Variants in ZNF638 observed in about 807,000 individuals in gnomAD.
ZNF638 encodes zinc finger protein 638, also known as CTCL tumor antigen se33-1.
In ZNF638, 46 loss-of-function variants were observed where a neutral mutation model predicts 195.6. That is an observed-to-expected ratio of 0.24 (90% CI 0.19 to 0.30). The LOEUF (loss-of-function observed/expected upper bound fraction) is 0.30. ZNF638 is among the 10% of genes least tolerant of loss of function. ZNF638 has a pLI of 1.00. For synonymous variants in ZNF638, 845 were observed against 772.0 expected, an observed-to-expected ratio of 1.09 and a Z score of -1.57; for missense variants, 2,440 against 2,325.3, an observed-to-expected ratio of 1.05 and a Z score of -1.01.
chr2:71,357,002 A>T (rs1573041525), intron 3 of ZNF638, among the ~76,000 whole-genome samples: 1 of 152,148 alleles, frequency 6.6e-6, no homozygotes, highest in Non-Finnish European at 1.5e-5. Flanking sequence ...AATGGACCCC[A>T]CGGTTCTGGA....
intron 1 of ZNF638, among the ~76,000 whole-genome samples, chr2:71,346,491 G>A (rs1387725273): frequency 1.3e-5 from 2 of 152,104 alleles, no homozygotes; most frequent in African/African-American, 2.4e-5. Context: ...GTGTTTTTGT[G>A]TTTCATTCTA....
chr2:71,344,822 TAGAA>T (rs2078823894), intron 1 of ZNF638, among the ~76,000 whole-genome samples: 1 of 152,224 alleles, frequency 6.6e-6, no homozygotes, highest in African/African-American at 2.4e-5. Flanking sequence ...ACCTTATAAA[TAGAA>T]AGCTTGAAGT....
chr2:71,351,390 TTAAAA>T (rs1460020199), intron 2 of ZNF638, among the ~76,000 whole-genome samples: 4 of 152,218 alleles, frequency 2.6e-5, no homozygotes, highest in Admixed American at 1.3e-4. Flanking sequence ...CCAAATTCTA[TTAAAA>T]TAATAGTTGC....
At chr2:71,337,525 A>G (rs2078690892) in intron 1 of ZNF638, among the ~76,000 whole-genome samples, 1 of 152,062 alleles carries the variant, frequency 6.6e-6, no homozygotes, top group African/African-American at 2.4e-5. Flanking sequence ...CGATCCTCCC[A>G]AGTGGCTGGG....
intron 1 of ZNF638, among the ~76,000 whole-genome samples, chr2:71,335,121 C>G (rs1426239934): frequency 1.3e-5 from 2 of 152,190 alleles, no homozygotes; most frequent in Non-Finnish European, 2.9e-5. Flanking sequence ...CCTGCGGCCT[C>G]TACCTCCTGG....
At chr2:71,388,434 G>A (rs1203841943) in intron 10 of ZNF638, 4 of 684,514 alleles carry the variant, frequency 5.8e-6, no homozygotes, top group Non-Finnish European at 1.1e-5. Context: ...ACAGGCGGGG[G>A]CAACAACTAC....
At chr2:71,350,588 A>G (rs1032080253) in intron 2 of ZNF638, among the ~76,000 whole-genome samples, 1 of 152,240 alleles carries the variant, frequency 6.6e-6, no homozygotes, top group Non-Finnish European at 1.5e-5. Context: ...ACAATGTCAC[A>G]TGGAATCACC....
chr2:71,355,808 G>A (rs747971683), intron 3 of ZNF638, 28 bp downstream of exon 3: 3 of 1,384,198 alleles, frequency 2.2e-6, no homozygotes, highest in Non-Finnish European at 3.0e-6. Flanking sequence ...CTTTATTATA[G>A]ATAGCATATT....
chr2:71,394,772 T>C (rs1220657973), intron 10 of ZNF638, among the ~76,000 whole-genome samples: 1 of 152,244 alleles, frequency 6.6e-6, no homozygotes, highest in African/African-American at 2.4e-5. Context: ...CATCTATTAC[T>C]GAATCAGTAC....
chr2:71,362,107 T>A (rs1412691588), intron 3 of ZNF638, among the ~76,000 whole-genome samples: 1 of 152,234 alleles, frequency 6.6e-6, no homozygotes, highest in Non-Finnish European at 1.5e-5. Context: ...TTCTAGAAGT[T>A]GAGAGTGAAG....
At chr2:71,381,942 T>C (rs532731517) in intron 10 of ZNF638, among the ~76,000 whole-genome samples, 1 of 152,212 alleles carries the variant, frequency 6.6e-6, no homozygotes, top group Admixed American at 6.5e-5. Flanking sequence ...TGGAGAGATG[T>C]AAAAATCCCA....
chr2:71,370,030 GT>G, intron 8 of ZNF638, 25 bp downstream of exon 8: 1 of 1,576,162 alleles, frequency 6.3e-7, no homozygotes, highest in Non-Finnish European at 8.6e-7. Flanking sequence ...GGTCTTAAAT[GT>G]TTTATCACTG....
chr2:71,342,683 C>CGT lies in ZNF638; in HGVS notation c.-202-6057_-202-6056dup, dbSNP rs3836139. 2.9e-4 allele frequency among the ~76,000 whole-genome samples: 44 copies of CGT among 151,428 alleles called. 1 individual carries two copies. The highest frequency in any genetic ancestry group is 9.0e-4 in the African/African-American group (37 of 41,238). On this transcript the variant is annotated intron_variant, in intron 1 of 27. Coordinates refer to ENST00000264447, the MANE Select transcript of ZNF638 (RefSeq NM_014497.5). ...TTAGAAATGGAGATTTTTGTGCGTGCGTGTGTGTGTGTGTCTTGGCAATTT... is the reference window on the plus strand; with the variant it reads ...TTAGAAATGGAGATTTTTGTGCGTGCGTGTGTGTGTGTGTGTCTTGGCAATTT...
At chr2:71,428,204 A>G (rs191921465) in intron 24 of ZNF638, among the ~76,000 whole-genome samples, 1 of 152,146 alleles carries the variant, frequency 6.6e-6, no homozygotes, top group Non-Finnish European at 1.5e-5. Context: ...CAAAAAGAAG[A>G]AAAAAAACCT....
rs185560094 is a variant in ZNF638, at chr2:71,393,622, T to G, written c.2378-2519T>G. On this transcript the variant is annotated intron_variant, in intron 10 of 27. Transcript: ENST00000264447. ...ACAGAAACCATTCACTCCAGATAAT[T>G]TGTTCCTTGCTCTGCTCTCTGGTGT... The G allele has an allele frequency of 1.2e-3, 841 of 718,064 alleles. 4 individuals are homozygous for G. Among genetic ancestry groups the G allele is most frequent in the Non-Finnish European group, 1.6e-3 (632 of 385,192 alleles). 44.5% of individuals were successfully genotyped at this position (718,064 alleles called of 1,614,324 possible). A position where few individuals can be genotyped will look rare whatever the true frequency, so the allele number is the denominator to read the frequency against.
At chr2:71,354,190 A>G (rs1197798380) in intron 2 of ZNF638, among the ~76,000 whole-genome samples, 3 of 152,332 alleles carry the variant, frequency 2.0e-5, no homozygotes, top group Middle Eastern at 3.4e-3. Context: ...AAATAATAAC[A>G]TTTTCCTTAA....
chr2:71,426,776 T>C lies in ZNF638; in HGVS notation c.4907T>C (p.Val1636Ala). ...GAAGAACTAAATATGGAAGAAATGG[T>C]AAAAAATTCAAATTCACTTTTTACA... ...DEEELNMEEMVKNSNSLFTLD... is the reference protein window; with the variant it reads ...DEEELNMEEMAKNSNSLFTLD... The change falls in exon 24 of 28, where the codon GTA becomes GCA. Residue 1636 changes from valine (V) to alanine (A), a missense_variant. By Grantham distance (64) the Val-to-Ala change is moderately conservative (BLOSUM62 0). Transcript: ENST00000264447. The C allele has an allele frequency of 6.2e-7, 1 of 1,613,074 alleles. No homozygotes were observed. Among genetic ancestry groups the C allele is most frequent in the Admixed American group, 1.7e-5 (1 of 59,792 alleles).
In ZNF638 at chr2:71,419,862, A is replaced by G. The variant is rs118086198; in HGVS notation, c.3299+1223A>G. On this transcript the variant is annotated intron_variant, in intron 21 of 27. Transcript: ENST00000264447. ...ATTGTTCTCCTCTCATTGTTTAGACATAGCTTTTAAAATTGAATATATTTC... is the reference window on the plus strand; with the variant it reads ...ATTGTTCTCCTCTCATTGTTTAGACGTAGCTTTTAAAATTGAATATATTTC... Among the ~76,000 whole-genome samples the G allele has an allele frequency of 5.9e-5, 9 of 151,738 alleles. No homozygotes were observed. The East Asian group carries it at 1.6e-3, about 26-fold the overall frequency.
intron 10 of ZNF638, among the ~76,000 whole-genome samples, chr2:71,382,762 A>G (rs1448808731): frequency 6.6e-6 from 1 of 152,202 alleles, no homozygotes; most frequent in Non-Finnish European, 1.5e-5. Context: ...GAGTTTTAGA[A>G]AATGAGAAGT....
Sources: allele counts gnomAD v4.1 joint callset (sites outside exome capture counted in the v4.1 genomes callset), GRCh38; gene constraint gnomAD v4.1.1; transcripts MANE v1.5; gene names NCBI Gene and HGNC (gene_info 2026-07-23, HGNC 2026-07-21).